The following TENM3 variants were observed in gnomAD, a reference collection of about 807,000 sequenced individuals.
TENM3 encodes teneurin transmembrane protein 3, also known as teneurin-3.
A neutral mutation model predicts 255.1 loss-of-function variants in TENM3; 63 were observed. That is an observed-to-expected ratio of 0.25 (90% CI 0.20 to 0.30). TENM3 has a LOEUF of 0.30. Ranked by LOEUF, TENM3 falls within the 10% of genes least tolerant of loss-of-function variation. The pLI is 1.00. For missense variants in TENM3, 2,929 were observed against 3,461.1 expected, an observed-to-expected ratio of 0.85 and a Z score of 3.86; for synonymous variants, 1,306 against 1,322.3, an observed-to-expected ratio of 0.99 and a Z score of 0.27.
At chr4:182,265,087 G>GT (rs1759159472) in intron 1 of TENM3, among the ~76,000 whole-genome samples, 1 of 151,960 alleles carries the variant, frequency 6.6e-6, no homozygotes, top group Admixed American at 6.6e-5. Flanking sequence ...AAAAACCTCT[G>GT]TTTTCCTCAT....
chr4:182,438,806 A>G (rs1253231958), intron 3 of TENM3, among the ~76,000 whole-genome samples: 1 of 152,248 alleles, frequency 6.6e-6, no homozygotes, highest in African/African-American at 2.4e-5. Context: ...AAAATACTCT[A>G]ACTTCTTCTG....
intron 3 of TENM3, among the ~76,000 whole-genome samples, chr4:182,498,809 T>A (rs1172421578): frequency 6.6e-6 from 1 of 151,970 alleles, no homozygotes; most frequent in Non-Finnish European, 1.5e-5. Flanking sequence ...GAGTTGAGAT[T>A]GTGCCATTGC....
chr4:181,786,734 T>C, the TENM3 span, among the ~76,000 whole-genome samples: 1 of 150,830 alleles, frequency 6.6e-6, no homozygotes, highest in Admixed American at 6.6e-5. Context: ...GCTTTCATGA[T>C]CAGATAGGAA....
chr4:181,536,050 C>T, the TENM3 span, among the ~76,000 whole-genome samples: 2 of 152,144 alleles, frequency 1.3e-5, no homozygotes, highest in Non-Finnish European at 2.9e-5. Flanking sequence ...TCTCCCCGCA[C>T]CTGTATATTT....
the TENM3 span, among the ~76,000 whole-genome samples, chr4:181,865,030 T>C: frequency 6.6e-6 from 1 of 152,202 alleles, no homozygotes; most frequent in Non-Finnish European, 1.5e-5. Context: ...GTGAAATAAC[T>C]ATTGCTTATC....
At chr4:182,486,704 C>T (rs927484510) in intron 3 of TENM3, among the ~76,000 whole-genome samples, 1 of 152,152 alleles carries the variant, frequency 6.6e-6, no homozygotes, top group African/African-American at 2.4e-5. Flanking sequence ...TGAAGAGTTT[C>T]CATCTGGACT....
chr4:181,911,700 A>G, the TENM3 span, among the ~76,000 whole-genome samples: 1 of 152,306 alleles, frequency 6.6e-6, no homozygotes, highest in East Asian at 1.9e-4. Flanking sequence ...CACATGACAC[A>G]TATTTGCTGA....
the TENM3 span, among the ~76,000 whole-genome samples, chr4:181,542,401 G>A: frequency 7.2e-5 from 11 of 152,162 alleles, no homozygotes; most frequent in Non-Finnish European, 1.3e-4. Flanking sequence ...GCAGTGGGAA[G>A]CCATTAAAGG....
chr4:182,447,334 T>C (rs1773013394), intron 3 of TENM3, among the ~76,000 whole-genome samples: 1 of 151,410 alleles, frequency 6.6e-6, no homozygotes, highest in South Asian at 2.1e-4. Flanking sequence ...GATATTTCCA[T>C]GTATGAGGAT....
At chr4:182,463,660 G>A (rs1390489599) in intron 3 of TENM3, among the ~76,000 whole-genome samples, 1 of 149,952 alleles carries the variant, frequency 6.7e-6, no homozygotes, top group Non-Finnish European at 1.5e-5. Context: ...TTTTGCTCTT[G>A]CTGCCCAGGC....
At chr4:182,403,269 C>G (rs570843372) in intron 3 of TENM3, among the ~76,000 whole-genome samples, 70 of 152,204 alleles carry the variant, frequency 4.6e-4, no homozygotes, top group Non-Finnish European at 9.0e-4. Context: ...TTTCATAGTT[C>G]AAACAAACAG....
At chr4:182,009,907 T>A in the TENM3 span, among the ~76,000 whole-genome samples, 1 of 150,864 alleles carries the variant, frequency 6.6e-6, no homozygotes, top group African/African-American at 2.4e-5. Context: ...CCCAGCTGCG[T>A]AGAGTGCCCA....
At chr4:181,949,827 G>A in the TENM3 span, among the ~76,000 whole-genome samples, 1 of 152,086 alleles carries the variant, frequency 6.6e-6, no homozygotes, top group East Asian at 1.9e-4. Context: ...TGCCTCCCTG[G>A]TGGTCTATGG....
At chr4:182,394,369 A>G (rs1417767642) in intron 3 of TENM3, among the ~76,000 whole-genome samples, 1 of 152,192 alleles carries the variant, frequency 6.6e-6, no homozygotes, top group African/African-American at 2.4e-5. Context: ...ACATGCGCAT[A>G]CAGAAGCAAA....
chr4:182,270,139 C>T (rs1044665615), intron 1 of TENM3, among the ~76,000 whole-genome samples: 6 of 152,060 alleles, frequency 3.9e-5, no homozygotes, highest in Middle Eastern at 3.2e-3. Flanking sequence ...GTTATGTAGA[C>T]GAAGCCTCCG....
chr4:181,826,199 C>G, the TENM3 span, among the ~76,000 whole-genome samples: 1 of 151,836 alleles, frequency 6.6e-6, no homozygotes, highest in African/African-American at 2.4e-5. Flanking sequence ...GATGTGTATT[C>G]ACAGTGGATT....
chr4:182,600,037 T>C (rs1470103060), intron 3 of TENM3, among the ~76,000 whole-genome samples: 1 of 152,252 alleles, frequency 6.6e-6, no homozygotes, highest in African/African-American at 2.4e-5. Flanking sequence ...TACGGAATTT[T>C]CTAGCAGTTA....
At chr4:182,743,062 C>G (rs903635749) in intron 18 of TENM3, 108 bp from the exon 19 acceptor site, 2 of 1,198,800 alleles carry the variant, frequency 1.7e-6, no homozygotes, top group African/African-American at 1.5e-5. Context: ...ATGTCTTAAT[C>G]CAGACCTGAC....
intron 3 of TENM3, among the ~76,000 whole-genome samples, chr4:182,472,073 A>C (rs1017097625): frequency 6.6e-6 from 1 of 152,176 alleles, no homozygotes; most frequent in African/African-American, 2.4e-5. Context: ...CTTGCAAGTA[A>C]ATTATAGAGC....
Sources: gnomAD v4.1 joint callset for allele counts (sites outside exome capture counted in the v4.1 genomes callset) on GRCh38, gnomAD v4.1.1 for gene constraint, MANE v1.5 for transcripts, NCBI Gene and HGNC (gene_info 2026-07-23, HGNC 2026-07-21) for gene names.